LRP11: variants seen among roughly 807,000 people sequenced by gnomAD.
The protein encoded by LRP11 is low-density lipoprotein receptor-related protein 11.
A neutral mutation model predicts 43.1 loss-of-function variants in LRP11; 25 were observed. The observed-to-expected ratio is 0.58, with a 90% confidence interval of 0.42 to 0.81. The LOEUF is 0.81. Among genes scored for constraint, LRP11 ranks in the 30% least tolerant of loss-of-function variants. The pLI, the probability that LRP11 is intolerant of heterozygous loss-of-function variation, is 0.00. For missense variants in LRP11, 623 were observed against 665.1 expected (o/e 0.94, Z 0.70); for synonymous variants, 316 against 299.4 (o/e 1.06, Z -0.57).
At chr6:149,825,362 CTGT>C (rs1465336567) in intron 6 of LRP11, among the ~76,000 whole-genome samples, 1 of 152,146 alleles carries the variant, frequency 6.6e-6, no homozygotes, top group Non-Finnish European at 1.5e-5. Flanking sequence ...TCCCTCATTT[CTGT>C]TGTTTTCTGT....
intron 3 of LRP11, among the ~76,000 whole-genome samples, chr6:149,840,121 G>C (rs1423738193): frequency 6.6e-6 from 1 of 152,072 alleles, no homozygotes; most frequent in African/African-American, 2.4e-5. Flanking sequence ...TATAAGCAGG[G>C]TACCTGCTCA....
At chr6:149,841,300 T>C (rs888449034) in intron 3 of LRP11, among the ~76,000 whole-genome samples, 2 of 152,184 alleles carry the variant, frequency 1.3e-5, no homozygotes, top group South Asian at 2.1e-4. Flanking sequence ...GCTGGCTTAA[T>C]TACCATCTGG....
Position 149,863,411 on chromosome 6 carries a change from GC to G in LRP11, c.609del (p.Gln204ArgfsTer26), listed in dbSNP as rs1776965486. The G allele has an allele frequency of 1.5e-6, 2 of 1,336,884 alleles. No homozygotes were observed. The highest frequency in any genetic ancestry group is 9.5e-7 in the Non-Finnish European group (1 of 1,052,316). The allele number at this position is 1,336,884 out of a possible 1,614,324, so 82.8% of individuals were successfully genotyped here. ...AALATARASP[R>X]QEKDAPPLSK... ...GGCCCCTCAGTCGCGCGCTTACCCT[GC>G]CGGGGCGAGGCGCGCGCGGTGGCCA... On this transcript the variant is annotated frameshift_variant, in exon 1 of 7. Transcript: ENST00000239367. LOFTEE classifies it high-confidence loss of function.
chr6:149,821,787 A>G (rs1044503423), intron 6 of LRP11, among the ~76,000 whole-genome samples: 6 of 152,224 alleles, frequency 3.9e-5, no homozygotes, highest in Non-Finnish European at 7.3e-5. Context: ...ACTAGAGGAG[A>G]AACATCTCCT....
In LRP11 at chr6:149,837,381, CA is replaced by C; in HGVS notation, c.995del (p.Val332GlyfsTer23). On this transcript the variant is annotated frameshift_variant, in exon 4 of 7. Coordinates refer to ENST00000239367, the MANE Select transcript of LRP11 (RefSeq NM_032832.6). Reference protein sequence around the residue: ...CIDITLACDGVQQCPDGSDED... With the variant: ...CIDITLACDGXQQCPDGSDED... ...CATCAGACCCATCAGGACACTGCTG[CA>C]CTCCATCGCAGGCGAGCGTGATGTC... The C allele has an allele frequency of 6.2e-7, 1 of 1,614,180 alleles. No individual in the cohort carries two copies. Among genetic ancestry groups the C allele is most frequent in the East Asian group, 2.2e-5 (1 of 44,888 alleles).
At chr6:149,849,874 C>T (rs1776693351) in intron 2 of LRP11, among the ~76,000 whole-genome samples, 1 of 152,194 alleles carries the variant, frequency 6.6e-6, no homozygotes, top group South Asian at 2.1e-4. Flanking sequence ...AATCTGACAG[C>T]ATAATTCCTT....
chr6:149,838,357 T>C (rs1776499780), intron 3 of LRP11, among the ~76,000 whole-genome samples: 1 of 152,028 alleles, frequency 6.6e-6, no homozygotes. Flanking sequence ...ATAAACAAAA[T>C]TTAGTTATGG....
At chr6:149,854,788 A>C (rs1454480758) in intron 1 of LRP11, among the ~76,000 whole-genome samples, 1 of 152,158 alleles carries the variant, frequency 6.6e-6, no homozygotes, top group Non-Finnish European at 1.5e-5. Flanking sequence ...TTTCGAGCCC[A>C]TCACTTTCCT....
chr6:149,844,247 T>C (rs1174162238), intron 2 of LRP11, among the ~76,000 whole-genome samples: 2 of 132,596 alleles, frequency 1.5e-5, no homozygotes, highest in East Asian at 2.3e-4. Flanking sequence ...CAAGACTCCA[T>C]CTCAAAAAAA....
chr6:149,853,021 G>T lies in LRP11; in HGVS notation c.753C>A (p.Asp251Glu). The T allele has an allele frequency of 4.4e-6, 7 of 1,600,340 alleles. No individual in the cohort carries two copies. The highest frequency in any genetic ancestry group is 6.0e-6 in the Non-Finnish European group (7 of 1,174,638). The change falls in exon 2 of 7, where the codon GAC (aspartate) becomes GAA (glutamate). Residue 251 changes from aspartate to glutamate, a missense_variant. By Grantham distance (45) the Asp-to-Glu change is conservative. Coordinates refer to ENST00000239367, the MANE Select transcript of LRP11 (RefSeq NM_032832.6). ...VQYEWALLQG[D>E]PSVDMKVPQS... is the part of the protein sequence containing the mutation. ...GCGTTACCTTCATGTCCACTGACGG[G>T]TCCCCCTGCAGCAGTGCCCACTCAT...
At chr6:149,862,432 A>G (rs1352759592) in intron 1 of LRP11, among the ~76,000 whole-genome samples, 1 of 152,186 alleles carries the variant, frequency 6.6e-6, no homozygotes, top group Non-Finnish European at 1.5e-5. Context: ...CCTCCGTGAC[A>G]TTCATGTCCA....
intron 2 of LRP11, among the ~76,000 whole-genome samples, chr6:149,850,411 A>C (rs1776701333): frequency 6.6e-6 from 1 of 152,212 alleles, no homozygotes; most frequent in South Asian, 2.1e-4. Context: ...AATTACTGTT[A>C]AAGGAAAATT....
intron 5 of LRP11, among the ~76,000 whole-genome samples, chr6:149,831,756 C>G (rs1347672185): frequency 6.6e-6 from 1 of 152,190 alleles, no homozygotes; most frequent in African/African-American, 2.4e-5. Context: ...GCAGCCTCGA[C>G]CTCCCAAGCT....
Position 149,864,355 on chromosome 6 carries a change from A to C in LRP11, c.-335T>G. ...GTTGATCAGCACCAGGTGTGTGCGA[A>C]CAGTGGCCGCGGCGGGGTGGAGCCT... On this transcript the variant is annotated 5_prime_UTR_variant, in exon 1 of 7. Coordinates refer to ENST00000239367, the MANE Select transcript of LRP11 (RefSeq NM_032832.6). 1 of 997,964 alleles carries C rather than the reference A, an allele frequency of 1.0e-6. No homozygotes were observed. Among genetic ancestry groups the C allele is most frequent in the Non-Finnish European group, 1.2e-6 (1 of 838,506 alleles). 61.8% of individuals were successfully genotyped at this position (997,964 alleles called of 1,614,324 possible).
intron 3 of LRP11, among the ~76,000 whole-genome samples, chr6:149,841,235 T>C (rs902976908): frequency 3.9e-5 from 6 of 152,216 alleles, no homozygotes; most frequent in Non-Finnish European, 5.9e-5. Context: ...AGATCCAATA[T>C]AGTACAAGTA....
At chr6:149,842,595 T>C (rs1434431718) in intron 3 of LRP11, 7 of 1,539,786 alleles carry the variant, frequency 4.5e-6, no homozygotes, top group Middle Eastern at 1.7e-4. Context: ...GCCATTCCAC[T>C]CTCTGCTTCC....
intron 3 of LRP11, among the ~76,000 whole-genome samples, chr6:149,841,731 G>A (rs1776551633): frequency 6.6e-6 from 1 of 152,120 alleles, no homozygotes; most frequent in Admixed American, 6.5e-5. Flanking sequence ...TGGCCAACAT[G>A]GTGAAACCCT....
At chr6:149,821,945 A>C (rs1399298804) in intron 6 of LRP11, among the ~76,000 whole-genome samples, 1 of 152,224 alleles carries the variant, frequency 6.6e-6, no homozygotes, top group Admixed American at 6.5e-5. Flanking sequence ...AGATAAGCTA[A>C]GGCCAAGAAT....
chr6:149,832,653 C>T (rs1776423661), intron 5 of LRP11, among the ~76,000 whole-genome samples: 1 of 143,864 alleles, frequency 7.0e-6, no homozygotes, highest in Admixed American at 7.1e-5. Context: ...TGGAGTCTCG[C>T]TCTGTTGCTC....
Sources: allele counts gnomAD v4.1 joint callset (sites outside exome capture counted in the v4.1 genomes callset), GRCh38; gene constraint gnomAD v4.1.1; transcripts MANE v1.5; gene names NCBI Gene and HGNC (gene_info 2026-07-23, HGNC 2026-07-21).